Variants in PIK3CD observed in about 807,000 individuals in gnomAD.
The protein encoded by PIK3CD is phosphatidylinositol-4,5-bisphosphate 3-kinase catalytic subunit delta.
A neutral mutation model predicts 122.9 loss-of-function variants in PIK3CD; 20 were observed. The observed-to-expected ratio is 0.16, with a 90% CI of 0.11 to 0.24. The LOEUF is 0.24. Among genes scored for constraint, PIK3CD ranks in the 10% least tolerant of loss-of-function variants. The pLI is 1.00. For missense variants in PIK3CD, 787 were observed against 1,406.3 expected (o/e 0.56, Z 7.04); for synonymous variants, 596 against 593.4 (o/e 1.00, Z -0.06).
Position 9,710,524 on chromosome 1 carries a change from C to T in PIK3CD, c.69C>T (p.Asp23=), listed in dbSNP as rs1371234745. The part of the protein sequence containing the change: ...TKEENQSVVV[D]FLLPTGVYLN... Reference sequence around the variant, plus strand: ...AGGAGAATCAGAGCGTTGTGGTTGACTTCCTGCTGCCCACAGGGGTCTACC... The same window carrying T: ...AGGAGAATCAGAGCGTTGTGGTTGATTTCCTGCTGCCCACAGGGGTCTACC... The change falls in exon 3 of 24, where the codon GAC becomes GAT. Residue 23 remains aspartate (D), a synonymous_variant. Transcript: ENST00000377346. This position sits in a 1 kb window ranked among gnomAD's most constrained non-coding sequence, Gnocchi z 4.7. 2.5e-6 allele frequency: 4 copies of T among 1,614,020 alleles called. No homozygotes were observed. In the African/African-American group the frequency reaches 5.3e-5, roughly 22 times the overall value.
intron 1 of PIK3CD, chr1:9,654,629 C>T (rs986157252): frequency 1.2e-4 from 44 of 363,866 alleles, no homozygotes; most frequent in South Asian, 7.9e-4. Flanking sequence ...TGAAGCAATT[C>T]CCCTTTGGCT....
chr1:9,679,705 C>T (rs1024872177), intron 1 of PIK3CD, among the ~76,000 whole-genome samples: 4 of 152,166 alleles, frequency 2.6e-5, no homozygotes, highest in Non-Finnish European at 5.9e-5. Flanking sequence ...CTCTTCTCCT[C>T]CTCCTCTTCT....
At chr1:9,681,649 G>C (rs1387626540) in intron 1 of PIK3CD, among the ~76,000 whole-genome samples, 1 of 152,110 alleles carries the variant, frequency 6.6e-6, no homozygotes, top group Admixed American at 6.6e-5. Context: ...CAATCTGCTC[G>C]CCTCCCCGCC....
At chr1:9,637,052 C>T in the PIK3CD span, among the ~76,000 whole-genome samples, 3 of 152,190 alleles carry the variant, frequency 2.0e-5, no homozygotes, top group African/African-American at 4.8e-5. Flanking sequence ...CGCCCGCCAC[C>T]ACGCCCGGCT....
At chr1:9,721,637 T>C in intron 15 of PIK3CD, 50 bp downstream of exon 15, 1 of 1,610,792 alleles carries the variant, frequency 6.2e-7, no homozygotes, top group African/African-American at 1.3e-5. Flanking sequence ...CCCCTGAGTC[T>C]CCCTGGAAGG....
chr1:9,629,482 G>A, the PIK3CD span, among the ~76,000 whole-genome samples: 7 of 33,860 alleles, frequency 2.1e-4, no homozygotes, highest in African/African-American at 8.5e-4. Flanking sequence ...CACCCACCAC[G>A]CTCAGAGGCC....
In PIK3CD at chr1:9,727,038, A is replaced by C; in HGVS notation, c.3127A>C (p.Arg1043=). 2 of 1,614,100 alleles carry C rather than the reference A, an allele frequency of 1.2e-6. No individual in the cohort carries two copies. Among genetic ancestry groups the C allele is most frequent in the Non-Finnish European group, 1.7e-6 (2 of 1,180,020 alleles). Residue 1043 remains arginine, a synonymous_variant, in exon 24 of 24, where the codon AGG becomes CGG. Coordinates refer to ENST00000377346, the MANE Select transcript of PIK3CD (RefSeq NM_005026.5). The part of the protein sequence containing the change: ...WLAHNVSKDN[R]Q ...GGCCCACAACGTGTCCAAAGACAACAGGCAGTAGTGGCTCCTCCCAGCCCT... is the reference window on the plus strand; with the variant it reads ...GGCCCACAACGTGTCCAAAGACAACCGGCAGTAGTGGCTCCTCCCAGCCCT...
At chr1:9,640,488 G>A in the PIK3CD span, among the ~76,000 whole-genome samples, 2 of 115,886 alleles carry the variant, frequency 1.7e-5, no homozygotes, top group African/African-American at 6.2e-5. Flanking sequence ...GCCGAGGCAG[G>A]AGAATCGCTT....
At chr1:9,681,648 C>G (rs537277013) in intron 1 of PIK3CD, among the ~76,000 whole-genome samples, 1 of 152,266 alleles carries the variant, frequency 6.6e-6, no homozygotes, top group Admixed American at 6.5e-5. Context: ...GCAATCTGCT[C>G]GCCTCCCCGC....
At chr1:9,673,699 G>A (rs1407222055) in intron 1 of PIK3CD, among the ~76,000 whole-genome samples, 6 of 152,104 alleles carry the variant, frequency 3.9e-5, no homozygotes, top group Admixed American at 1.3e-4. Context: ...CACAGCGCCC[G>A]GCCTTCCTTC....
the PIK3CD span, among the ~76,000 whole-genome samples, chr1:9,640,545 C>T: frequency 3.3e-5 from 5 of 151,562 alleles, no homozygotes; most frequent in African/African-American, 4.9e-5. Context: ...TGCCATTGTA[C>T]TCCAGCCTGG....
the PIK3CD span, among the ~76,000 whole-genome samples, chr1:9,631,221 C>T: frequency 2.6e-5 from 4 of 152,226 alleles, no homozygotes; most frequent in Non-Finnish European, 2.9e-5. Flanking sequence ...TATGTGTGGT[C>T]CCAAGCCCAC....
At chr1:9,641,391 C>G in the PIK3CD span, among the ~76,000 whole-genome samples, 1 of 152,174 alleles carries the variant, frequency 6.6e-6, no homozygotes, top group Admixed American at 6.6e-5. Context: ...AACCCTCCCC[C>G]AGCCCTGGGT....
At position 9,720,726 on chromosome 1, in the gene PIK3CD, T is replaced by G. The variant is rs772209868; in HGVS notation, c.1522-16T>G. On this transcript the variant is annotated splice_polypyrimidine_tract_variant and intron_variant, in intron 12 of 23. Transcript: ENST00000377346. The surrounding 1 kb of genome is among the most constrained non-coding windows in gnomAD (Gnocchi z 9.0). Reference sequence around the variant, plus strand: ...GGCGTGGAACCAGAGCCCTCACTCCTGCCCACACCCCTCAGCAGCTGCAGC... The same window carrying G: ...GGCGTGGAACCAGAGCCCTCACTCCGGCCCACACCCCTCAGCAGCTGCAGC... 1.2e-5 allele frequency: 19 copies of G among 1,609,040 alleles called. No homozygotes were observed. The highest frequency in any genetic ancestry group is 3.7e-4 in the Middle Eastern group (2 of 5,468).
At chr1:9,677,289 G>GT (rs1257503535) in intron 1 of PIK3CD, among the ~76,000 whole-genome samples, 37 of 152,246 alleles carry the variant, frequency 2.4e-4, no homozygotes, top group African/African-American at 8.9e-4. Context: ...TTAAGTTGAG[G>GT]TCAGGACAGA....
the PIK3CD span, among the ~76,000 whole-genome samples, chr1:9,638,371 C>T: frequency 6.6e-6 from 1 of 152,014 alleles, no homozygotes; most frequent in African/African-American, 2.4e-5. Flanking sequence ...TCATGCCTCC[C>T]TCACCTCCCC....
chr1:9,688,972 C>G (rs1382395709), intron 1 of PIK3CD, among the ~76,000 whole-genome samples: 1 of 152,182 alleles, frequency 6.6e-6, no homozygotes, highest in African/African-American at 2.4e-5. Context: ...TTTTCTAAAT[C>G]TCACATATAA....
At position 9,721,878 on chromosome 1, in the gene PIK3CD, G is replaced by GGGGGGCGGGCA; in HGVS notation, c.2055+27_2055+37dup. On this transcript the variant is annotated intron_variant, in intron 16 of 23. Coordinates refer to ENST00000377346, the MANE Select transcript of PIK3CD (RefSeq NM_005026.5). The stretch of plus-strand genomic sequence containing the variant: ...TGAAGCAGGTGAGGCCCAAGGCCCT[G>GGGGGGCGGGCA]GGGGGCGGGCAGGGGGCGGCCCTGA... 1.2e-6 allele frequency: 2 copies of GGGGGGCGGGCA among 1,612,340 alleles called. No homozygotes were observed. The highest frequency in any genetic ancestry group is 4.5e-5 in the East Asian group (2 of 44,880).
Position 9,704,606 on chromosome 1 carries a change from T to C in PIK3CD, c.-32-5818T>C, listed in dbSNP as rs1009549332. On this transcript the variant is annotated intron_variant, in intron 2 of 23. Coordinates refer to ENST00000377346, the MANE Select transcript of PIK3CD (RefSeq NM_005026.5). This position sits in a 1 kb window ranked among gnomAD's most constrained non-coding sequence, Gnocchi z 5.0. ...CAGCTAACTGCAACCTCCACTTCCCTGGCTCAAGCAATCCTCCAGCCTCAG... is the reference window on the plus strand; with the variant it reads ...CAGCTAACTGCAACCTCCACTTCCCCGGCTCAAGCAATCCTCCAGCCTCAG... 1.3e-5 allele frequency among the ~76,000 whole-genome samples: 2 copies of C among 152,210 alleles called. No homozygotes were observed. Among genetic ancestry groups the C allele is most frequent in the African/African-American group, 4.8e-5 (2 of 41,464 alleles).
Sources: gnomAD v4.1 joint callset for allele counts (sites outside exome capture counted in the v4.1 genomes callset) on GRCh38, gnomAD v4.1.1 for gene constraint, Gnocchi (gnomAD v3.1) non-coding constraint, MANE v1.5 for transcripts, NCBI Gene and HGNC (gene_info 2026-07-23, HGNC 2026-07-21) for gene names.